Variants in RBM33 observed in about 807,000 individuals in gnomAD.
The protein encoded by RBM33 is RNA-binding protein 33.
Under a neutral mutation model 132.6 loss-of-function variants are expected in RBM33, and 28 were observed. That is an observed-to-expected ratio of 0.21 (90% CI 0.16 to 0.29). The LOEUF is 0.29. Ranked by LOEUF, RBM33 falls within the 10% of genes least tolerant of loss-of-function variation. The pLI is 1.00. For missense variants in RBM33, 1,291 were observed against 1,518.5 expected, an observed-to-expected ratio of 0.85 and a Z score of 2.49; for synonymous variants, 634 against 593.0, an observed-to-expected ratio of 1.07 and a Z score of -1.01.
chr7:155,687,614 A>G (rs990571106), intron 5 of RBM33, among the ~76,000 whole-genome samples: 1 of 152,148 alleles, frequency 6.6e-6, no homozygotes, highest in African/African-American at 2.4e-5. Flanking sequence ...TTTTAGGTCT[A>G]ACATGTAAGT....
intron 14 of RBM33, among the ~76,000 whole-genome samples, chr7:155,750,000 T>G (rs1801643787): frequency 1.3e-5 from 2 of 152,336 alleles, no homozygotes; most frequent in South Asian, 4.1e-4. Flanking sequence ...GTACGTGAAT[T>G]TCCATTTTTT....
intron 5 of RBM33, among the ~76,000 whole-genome samples, chr7:155,696,402 A>C (rs1159498573): frequency 1.3e-5 from 2 of 152,166 alleles, no homozygotes; most frequent in Admixed American, 1.3e-4. Context: ...TTTTCAATCT[A>C]TATCCATTTC....
chr7:155,672,262 T>C (rs889247447), intron 2 of RBM33, among the ~76,000 whole-genome samples: 4 of 152,208 alleles, frequency 2.6e-5, no homozygotes, highest in African/African-American at 7.2e-5. Context: ...TATTACAGTT[T>C]CTGCTTTTAC....
chr7:155,736,682 T>TC (rs1331007640), intron 9 of RBM33, among the ~76,000 whole-genome samples: 1 of 152,254 alleles, frequency 6.6e-6, no homozygotes. Context: ...ATTTTTCTGT[T>TC]AAGTCAGGAA....
At chr7:155,743,364 A>G (rs1801412075) in intron 13 of RBM33, among the ~76,000 whole-genome samples, 1 of 152,258 alleles carries the variant, frequency 6.6e-6, no homozygotes, top group Non-Finnish European at 1.5e-5. Flanking sequence ...TAACAGGGCT[A>G]CCTAATAGGG....
chr7:155,674,129 T>G (rs1314439617), intron 3 of RBM33, among the ~76,000 whole-genome samples: 2 of 151,960 alleles, frequency 1.3e-5, no homozygotes, highest in Non-Finnish European at 2.9e-5. Context: ...TCATCACTTC[T>G]AACACTTAAG....
In RBM33 at chr7:155,680,598, G is replaced by A. The variant is rs1339506155; in HGVS notation, c.257G>A (p.Gly86Asp). ...NEDEENFSSQ[G>D]VTISLNATSG... ...ATTTTCGTCCTCTCTAGTTCTCAGG[G>A]TGTTACAATTAGTCTGAATGCTACA... Residue 86 changes from glycine (G) to aspartate (D), a missense_variant, in exon 5 of 18, where the codon GGT becomes GAT. By Grantham distance (94) the Gly-to-Asp change is moderately conservative. Coordinates refer to ENST00000401878, the MANE Select transcript of RBM33 (RefSeq NM_053043.3). The A allele has an allele frequency of 4.4e-6, 7 of 1,592,702 alleles. No individual in the cohort carries two copies. In the Admixed American group the frequency reaches 1.0e-4, roughly 24 times the overall value.
intron 14 of RBM33, among the ~76,000 whole-genome samples, chr7:155,762,621 G>C (rs1802072832): frequency 6.6e-6 from 1 of 152,204 alleles, no homozygotes; most frequent in South Asian, 2.1e-4. Context: ...CATCCATCTT[G>C]CCCCAATCCC....
Position 155,644,763 on chromosome 7 carries a change from C to G in RBM33, c.-114C>G. 1.1e-6 allele frequency: 1 copy of G among 883,296 alleles called. No homozygotes were observed. The highest frequency in any genetic ancestry group is 3.3e-5 in the East Asian group (1 of 30,026). 54.7% of individuals were successfully genotyped at this position (883,296 alleles called of 1,614,324 possible). A position where few individuals can be genotyped will look rare whatever the true frequency, so the allele number is the denominator to read the frequency against. ...AAGCGCCCGGCTTCGCCTCTGCCTC[C>G]TGCAGCCCCCTCCCTTCTCTGTCCT... On this transcript the variant is annotated 5_prime_UTR_variant, in exon 1 of 18. Transcript: ENST00000401878.
rs1484857528 is a variant in RBM33 at position 155,775,896 on chromosome 7, T to A, written c.*855T>A. The A allele has an allele frequency of 6.6e-6, 1 of 152,272 alleles. No individual in the cohort carries two copies. The highest frequency in any genetic ancestry group is 1.5e-5 in the Non-Finnish European group (1 of 68,072). The allele number at this position is 152,272 out of a possible 1,614,324, so 9.4% of individuals were successfully genotyped here. The stretch of plus-strand genomic sequence containing the variant: ...TTTTAAATGCAGTAAGGTGGCCTGT[T>A]TATCACTGGCTCTGTGATACATGAC... On this transcript the variant is annotated 3_prime_UTR_variant, in exon 18 of 18. Transcript: ENST00000401878.
intron 2 of RBM33, among the ~76,000 whole-genome samples, chr7:155,669,122 C>T (rs747493895): frequency 7.2e-5 from 11 of 152,130 alleles, no homozygotes; most frequent in Admixed American, 2.0e-4. Context: ...ATGTTTTAAG[C>T]ATAAGACAGC....
At chr7:155,770,955 C>T (rs1043508577) in intron 16 of RBM33, among the ~76,000 whole-genome samples, 1 of 152,206 alleles carries the variant, frequency 6.6e-6, no homozygotes, top group African/African-American at 2.4e-5. Flanking sequence ...TTTTAACTTG[C>T]ATTTGCTACT....
chr7:155,775,145 G>C lies in RBM33; in HGVS notation c.*104G>C, dbSNP rs1802562851. On this transcript the variant is annotated 3_prime_UTR_variant, in exon 18 of 18. Coordinates refer to ENST00000401878, the MANE Select transcript of RBM33 (RefSeq NM_053043.3). Reference sequence around the variant, plus strand: ...CCCCCAGGAGCACAGGTCTCTCCGGGCCGCTGTCCTGCGTAACTGTTCTCC... The same window carrying C: ...CCCCCAGGAGCACAGGTCTCTCCGGCCCGCTGTCCTGCGTAACTGTTCTCC... The C allele has an allele frequency of 3.9e-6, 4 of 1,022,174 alleles. No homozygotes were observed. The highest frequency in any genetic ancestry group is 1.8e-5 in the Admixed American group (1 of 55,596). The allele number at this position is 1,022,174 out of a possible 1,614,324, so 63.3% of individuals were successfully genotyped here.
chr7:155,747,015 T>C (rs924473165), intron 14 of RBM33, among the ~76,000 whole-genome samples: 4 of 152,234 alleles, frequency 2.6e-5, no homozygotes, highest in Non-Finnish European at 5.9e-5. Context: ...AGCTGAGATT[T>C]AGTGCTTTTA....
intron 12 of RBM33, among the ~76,000 whole-genome samples, 159 bp downstream of exon 12, chr7:155,740,185 ACACT>A (rs1356076750): frequency 1.3e-5 from 2 of 152,178 alleles, no homozygotes; most frequent in South Asian, 2.1e-4. Context: ...GTTTTAAAAA[ACACT>A]CAGGTGATTT....
At chr7:155,668,579 T>C (rs2116897261) in intron 2 of RBM33, among the ~76,000 whole-genome samples, 1 of 152,348 alleles carries the variant, frequency 6.6e-6, no homozygotes, top group Middle Eastern at 3.4e-3. Flanking sequence ...TGCGTGGTGA[T>C]ACCTCTGCTT....
In RBM33 at chr7:155,711,302, C is replaced by T. The variant is rs752539811; in HGVS notation, c.1048C>T (p.Pro350Ser). Residue 350 changes from proline to serine, a missense_variant, in exon 8 of 18, where the codon CCG (proline) becomes TCG (serine). Coordinates refer to ENST00000401878, the MANE Select transcript of RBM33 (RefSeq NM_053043.3). Reference sequence around the variant, plus strand: ...GCAGCCGCTGCTTCCGGTGCAGCACCCGCACCACCCATCCCCGCCTCAGGG... The same window carrying T: ...GCAGCCGCTGCTTCCGGTGCAGCACTCGCACCACCCATCCCCGCCTCAGGG... ...PLQPLLPVQH[P>S]HHPSPPQGMH... 1 of 1,608,086 alleles carries T rather than the reference C, an allele frequency of 6.2e-7. No homozygotes were observed. The highest frequency in any genetic ancestry group is 8.5e-7 in the Non-Finnish European group (1 of 1,177,334).
In RBM33 at chr7:155,745,424, A is replaced by G. The variant is rs1801484779; in HGVS notation, c.2801A>G (p.Lys934Arg). ...CCGCTGCATAAAGTGCTCCCGATCA[A>G]ACCTGCAGATGTGGAGGAGCCAGCT... ...TQPLHKVLPI[K>R]PADVEEPAVP... Residue 934 changes from lysine (K) to arginine (R), a missense_variant, in exon 14 of 18, where the codon AAA (lysine) becomes AGA (arginine). By Grantham distance (26) the Lys-to-Arg change is conservative. This residue lies in a region of RBM33 where 841 missense variants were observed against 912.0 expected (regional missense o/e 0.92). Transcript: ENST00000401878. This position sits in a 1 kb window ranked among gnomAD's most constrained non-coding sequence, Gnocchi z 4.1. 1 of 1,613,756 alleles carries G rather than the reference A, an allele frequency of 6.2e-7. No individual in the cohort carries two copies.
intron 14 of RBM33, among the ~76,000 whole-genome samples, chr7:155,748,446 T>C (rs1173166706): frequency 6.6e-6 from 1 of 152,236 alleles, no homozygotes; most frequent in African/African-American, 2.4e-5. Context: ...TCCACAGGAT[T>C]GTTCACATGT....
Sources: gnomAD v4.1 joint callset for allele counts (sites outside exome capture counted in the v4.1 genomes callset) on GRCh38, gnomAD v4.1.1 for gene constraint, gnomAD v4.1.1 regional missense constraint, Gnocchi (gnomAD v3.1) non-coding constraint, MANE v1.5 for transcripts, NCBI Gene and HGNC (gene_info 2026-07-23, HGNC 2026-07-21) for gene names.